The following LITAF variants were observed in gnomAD, a reference collection of about 807,000 sequenced individuals.
LITAF encodes the protein lipopolysaccharide induced TNF factor.
LITAF carries 9 observed loss-of-function variants against 14.5 expected under a neutral mutation model. The observed-to-expected ratio is 0.62, with a 90% CI of 0.37 to 1.08. The LOEUF (loss-of-function observed/expected upper bound fraction) is 1.08. Among genes scored for constraint, LITAF ranks in the 50% least tolerant of loss-of-function variants. The pLI is 0.01. For missense variants in LITAF, 206 were observed against 213.4 expected (o/e 0.97, Z 0.22); for synonymous variants, 98 against 88.2 (o/e 1.11, Z -0.62).
intron 3 of LITAF, among the ~76,000 whole-genome samples, chr16:11,627,123 C>A (rs2065088837): frequency 6.6e-6 from 1 of 152,178 alleles, no homozygotes. Flanking sequence ...GTGTCATGCA[C>A]ATGACCAAGC....
chr16:11,599,984 T>C (rs2064917377), upstream of LITAF, among the ~76,000 whole-genome samples: 1 of 151,938 alleles, frequency 6.6e-6, no homozygotes, highest in East Asian at 1.9e-4. Context: ...CACTACCATC[T>C]CCTTTTTAAT....
At chr16:11,631,947 A>G (rs2065120332) in intron 3 of LITAF, among the ~76,000 whole-genome samples, 1 of 151,406 alleles carries the variant, frequency 6.6e-6, no homozygotes, top group African/African-American at 2.4e-5. Context: ...CCTCCCTGCA[A>G]TCTCTGCCTC....
At chr16:11,568,888 C>G (rs543535405) in intron 1 of LITAF, among the ~76,000 whole-genome samples, 63 of 152,136 alleles carry the variant, frequency 4.1e-4, no homozygotes, top group Middle Eastern at 3.4e-3. Context: ...CCATATTGGC[C>G]AACCTGGTCT....
At position 11,605,922 on chromosome 16, in the gene LITAF, G is replaced by A. The variant is rs1187649089; in HGVS notation, c.85+27611C>T. Among the ~76,000 whole-genome samples the A allele has an allele frequency of 1.3e-5, 2 of 152,112 alleles. No homozygotes were observed. The highest frequency in any genetic ancestry group is 2.1e-4 in the South Asian group (1 of 4,822). ...TAGGATCAAGACCAACCTCTCCCACGGCCTGCGCACAGCCTGATCTTCTGG... is the reference window on the plus strand; with the variant it reads ...TAGGATCAAGACCAACCTCTCCCACAGCCTGCGCACAGCCTGATCTTCTGG... On this transcript the variant is annotated intron_variant, in intron 3 of 3. Coordinates refer to the LITAF transcript ENST00000574848. This position sits in a 1 kb window ranked among gnomAD's most constrained non-coding sequence, Gnocchi z 4.7.
chr16:11,640,070 G>A (rs542382372), upstream of LITAF, among the ~76,000 whole-genome samples: 8 of 152,208 alleles, frequency 5.3e-5, no homozygotes, highest in Admixed American at 3.3e-4. Context: ...CACCGCACCC[G>A]GCCAACAATG....
At chr16:11,552,187 A>G (rs749652922) in intron 3 of LITAF, among the ~76,000 whole-genome samples, 39 of 152,316 alleles carry the variant, frequency 2.6e-4, no homozygotes, top group Middle Eastern at 3.4e-3. Flanking sequence ...TGAAACTCAC[A>G]AACACCGTTT....
chr16:11,553,425 C>T lies in LITAF; in HGVS notation c.377+108G>A. On this transcript the variant is annotated intron_variant, in intron 3 of 3. Coordinates refer to ENST00000622633, the MANE Select transcript of LITAF (RefSeq NM_001136472.2). The surrounding 1 kb of genome is among the most constrained non-coding windows in gnomAD (Gnocchi z 7.7). ...GATTCCATCTCAAAAAAAAACAACA[C>T]AAATGTCTGGCCCTGAATGTCAAGC... is the stretch of plus-strand genomic sequence containing the variant. The T allele has an allele frequency of 8.0e-7, 1 of 1,242,350 alleles. No homozygotes were observed. The highest frequency in any genetic ancestry group is 1.1e-6 in the Non-Finnish European group (1 of 874,950). The allele number at this position is 1,242,350 out of a possible 1,614,324, so 77.0% of individuals were successfully genotyped here. A position where few individuals can be genotyped will look rare whatever the true frequency, so the allele number is the denominator to read the frequency against.
intron 1 of LITAF, among the ~76,000 whole-genome samples, chr16:11,575,903 C>T (rs955959862): frequency 4.6e-5 from 7 of 152,242 alleles, no homozygotes; most frequent in East Asian, 1.9e-4. Context: ...GTTTTACAAT[C>T]GGGGTCTCGC....
intron 3 of LITAF, among the ~76,000 whole-genome samples, chr16:11,628,927 T>G (rs112217927): frequency 0.034 from 5,134 of 152,300 alleles, 303 homozygotes; most frequent in African/African-American, 0.12. Context: ...CTGCCCGCCT[T>G]GGCCTCCCAA....
At chr16:11,637,996 A>ATATATATCTATATATATC (rs1567270958), upstream of LITAF, among the ~76,000 whole-genome samples, 2 of 66,410 alleles carry the variant, frequency 3.0e-5, 1 homozygote, top group Non-Finnish European at 5.4e-5. Flanking sequence ...ATATATATCT[A>ATATATATCTATATATATC]TATATATCTA....
intron 3 of LITAF, among the ~76,000 whole-genome samples, chr16:11,619,517 A>G (rs1479291345): frequency 6.6e-6 from 1 of 151,998 alleles, no homozygotes; most frequent in African/African-American, 2.4e-5. Flanking sequence ...AGCTGAGTAT[A>G]ATTATTACAG....
intron 1 of LITAF, among the ~76,000 whole-genome samples, chr16:11,577,160 C>A (rs1355013215): frequency 6.6e-6 from 1 of 152,114 alleles, no homozygotes; most frequent in African/African-American, 2.4e-5. Flanking sequence ...CTCTGCCCAC[C>A]CCAGGGGAAG....
intron 1 of LITAF, among the ~76,000 whole-genome samples, chr16:11,575,109 T>TC (rs1361341386): frequency 1.3e-5 from 2 of 152,030 alleles, no homozygotes; most frequent in African/African-American, 4.8e-5. Flanking sequence ...GGCCTAAAGT[T>TC]CTTTTTTTTT....
chr16:11,617,675 T>G (rs1162812122), intron 3 of LITAF, among the ~76,000 whole-genome samples: 2 of 151,992 alleles, frequency 1.3e-5, no homozygotes, highest in African/African-American at 4.8e-5. Flanking sequence ...TCCGCCCGCC[T>G]CGGCCTCCCA....
At chr16:11,637,518 T>C (rs2141915674), upstream of LITAF, among the ~76,000 whole-genome samples, 1 of 152,296 alleles carries the variant, frequency 6.6e-6, no homozygotes, top group African/African-American at 2.4e-5. Context: ...AAAACTGCCG[T>C]GAGGAGCAAA....
At position 11,605,682 on chromosome 16, in the gene LITAF, C is replaced by T. The variant is rs548439643; in HGVS notation, c.85+27851G>A. 5.3e-5 allele frequency among the ~76,000 whole-genome samples: 8 copies of T among 152,308 alleles called. No homozygotes were observed. The highest frequency in any genetic ancestry group is 1.9e-4 in the African/African-American group (8 of 41,578). Reference sequence around the variant, plus strand: ...CACGGAGGCCAAGGCAGGAGGATCGCTGGAGGCCAGGAGTTCGAAGCTGCA... The same window carrying T: ...CACGGAGGCCAAGGCAGGAGGATCGTTGGAGGCCAGGAGTTCGAAGCTGCA... On this transcript the variant is annotated intron_variant, in intron 3 of 3. Transcript: ENST00000574848. This position sits in a 1 kb window ranked among gnomAD's most constrained non-coding sequence, Gnocchi z 4.7.
chr16:11,582,300 A>C (rs2064750018), intron 1 of LITAF, among the ~76,000 whole-genome samples: 2 of 144,976 alleles, frequency 1.4e-5, no homozygotes, highest in East Asian at 2.1e-4. Context: ...ATAGTGAAAT[A>C]TCTATTTCAC....
intron 3 of LITAF, among the ~76,000 whole-genome samples, chr16:11,620,402 T>C (rs950099411): frequency 3.9e-5 from 6 of 152,048 alleles, no homozygotes; most frequent in African/African-American, 1.4e-4. Context: ...CCGTGGGACA[T>C]GCCTGTTCCC....
intron 1 of LITAF, among the ~76,000 whole-genome samples, 200 bp from the exon 2 acceptor site, chr16:11,556,935 A>C (rs901297643): frequency 3.3e-5 from 5 of 152,212 alleles, no homozygotes; most frequent in Non-Finnish European, 7.3e-5. Flanking sequence ...ATTACTACCC[A>C]AAATCACCAA....
Sources: gnomAD v4.1 joint callset for allele counts (sites outside exome capture counted in the v4.1 genomes callset) on GRCh38, gnomAD v4.1.1 for gene constraint, Gnocchi (gnomAD v3.1) non-coding constraint, MANE v1.5 for transcripts, NCBI Gene and HGNC (gene_info 2026-07-23, HGNC 2026-07-21) for gene names.